Variants in EPB42 observed in about 807,000 individuals in gnomAD.
The protein encoded by EPB42 is protein 4.2.
Under a neutral mutation model 76.9 loss-of-function variants are expected in EPB42, and 49 were observed. That is an observed-to-expected ratio of 0.64 (90% CI 0.51 to 0.81). EPB42 has a LOEUF of 0.81. Ranked by LOEUF, EPB42 falls within the 30% of genes least tolerant of loss-of-function variation. The probability of loss-of-function intolerance (pLI) is 0.00; values close to 1 mark genes in which losing one functional copy is unlikely to be tolerated. For missense variants in EPB42, 731 were observed against 867.6 expected, an observed-to-expected ratio of 0.84 and a Z score of 1.98; for synonymous variants, 310 against 338.4, an observed-to-expected ratio of 0.92 and a Z score of 0.92.
intron 6 of EPB42, 91 bp from the exon 7 acceptor site, chr15:43,208,866 C>T: frequency 2.1e-6 from 3 of 1,455,280 alleles, no homozygotes; most frequent in East Asian, 2.4e-5. Context: ...CTCCTCTGGG[C>T]ACTGAAAACT....
chr15:43,219,737 G>T (rs2042430000), intron 1 of EPB42, among the ~76,000 whole-genome samples: 1 of 152,176 alleles, frequency 6.6e-6, no homozygotes, highest in African/African-American at 2.4e-5. Flanking sequence ...ACGAGGTCAA[G>T]AGATCGAGAC....
At chr15:43,201,697 C>T in intron 12 of EPB42, 147 bp downstream of exon 12, 1 of 1,243,966 alleles carries the variant, frequency 8.0e-7, no homozygotes, top group Admixed American at 1.7e-5. Context: ...ATGAGGGAAG[C>T]CACTTGGTAG....
chr15:43,224,224 T>C (rs2042488116), upstream of EPB42, among the ~76,000 whole-genome samples: 1 of 152,248 alleles, frequency 6.6e-6, no homozygotes, highest in African/African-American at 2.4e-5. Flanking sequence ...CTTTTCCTTT[T>C]CGTCTTCTTA....
At chr15:43,199,640 G>A (rs1018196338) in intron 12 of EPB42, among the ~76,000 whole-genome samples, 9 of 152,080 alleles carry the variant, frequency 5.9e-5, no homozygotes, top group African/African-American at 2.2e-4. Flanking sequence ...AGGCATGATT[G>A]GTTTTGAAAT....
At chr15:43,210,921 G>A (rs753096194) in intron 4 of EPB42, among the ~76,000 whole-genome samples, 2 of 152,186 alleles carry the variant, frequency 1.3e-5, no homozygotes, top group African/African-American at 4.8e-5. Flanking sequence ...TAGAGATGCC[G>A]GCACAGAGCA....
At chr15:43,215,040 A>G in intron 3 of EPB42, 55 bp downstream of exon 3, 1 of 1,495,034 alleles carries the variant, frequency 6.7e-7, no homozygotes, top group South Asian at 1.2e-5. Context: ...GCTGCACCCC[A>G]GCTCCAGTGT....
chr15:43,198,538 A>C (rs1162866898), intron 12 of EPB42, among the ~76,000 whole-genome samples: 1 of 152,244 alleles, frequency 6.6e-6, no homozygotes, highest in Non-Finnish European at 1.5e-5. Context: ...TGTCAAAGGC[A>C]TTCAGTTTTA....
At chr15:43,202,278 C>T (rs1214057827) in intron 11 of EPB42, among the ~76,000 whole-genome samples, 1 of 152,174 alleles carries the variant, frequency 6.6e-6, no homozygotes, top group Non-Finnish European at 1.5e-5. Flanking sequence ...TGTCCCCAAA[C>T]CCCCTCTCCC....
intron 11 of EPB42, 141 bp downstream of exon 11, chr15:43,202,974 C>T: frequency 1.9e-6 from 2 of 1,063,120 alleles, no homozygotes; most frequent in East Asian, 2.4e-5. Flanking sequence ...CTATGTCTTT[C>T]AAGGGAAGGA....
intron 7 of EPB42, 24 bp downstream of exon 7, chr15:43,208,613 C>T (rs1298899297): frequency 1.2e-6 from 2 of 1,613,966 alleles, no homozygotes; most frequent in Admixed American, 3.3e-5. Flanking sequence ...TGGACTGGAA[C>T]CTCATCTCCC....
upstream of EPB42, chr15:43,221,054 T>G: frequency 3.6e-6 from 2 of 554,694 alleles, no homozygotes; most frequent in Non-Finnish European, 3.3e-6. Context: ...GACCAGTTAC[T>G]GGGAGTAACC....
At chr15:43,208,512 C>G in intron 7 of EPB42, 125 bp downstream of exon 7, 1 of 1,523,156 alleles carries the variant, frequency 6.6e-7, no homozygotes, top group South Asian at 1.1e-5. Flanking sequence ...AGCGCCGCCT[C>G]TAAGGGTCTT....
chr15:43,216,509 C>A, intron 1 of EPB42, 56 bp from the exon 2 acceptor site: 2 of 1,581,164 alleles, frequency 1.3e-6, no homozygotes, highest in Non-Finnish European at 8.7e-7. Flanking sequence ...AATGTAAGTA[C>A]AAGCAGAGAT....
rs749955522 is a variant in EPB42 at position 43,207,155 on chromosome 15, C to T, written c.1318+44G>A. Reference sequence around the variant, plus strand: ...AGGCCCATCCCTTTCCCTCGCTTGCCGTTTCAGGTACCGAGAAGCCTGGGG... The same window carrying T: ...AGGCCCATCCCTTTCCCTCGCTTGCTGTTTCAGGTACCGAGAAGCCTGGGG... On this transcript the variant is annotated intron_variant, in intron 9 of 12. Coordinates refer to ENST00000441366, the MANE Select transcript of EPB42 (RefSeq NM_001114134.2). The T allele has an allele frequency of 4.7e-5, 76 of 1,612,602 alleles. No homozygotes were observed. In the Middle Eastern group the frequency reaches 7.1e-4, roughly 15 times the overall value.
At position 43,207,224 on chromosome 15, in the gene EPB42, G is replaced by T. The variant is rs1047017534; in HGVS notation, c.1293C>A (p.Ile431=). 1 of 1,613,956 alleles carries T rather than the reference G, an allele frequency of 6.2e-7. No individual in the cohort carries two copies. The highest frequency in any genetic ancestry group is 1.7e-5 in the Admixed American group (1 of 59,982). Residue 431 remains isoleucine, a synonymous_variant, in exon 9 of 13, where the codon ATC becomes ATA. Coordinates refer to ENST00000441366, the MANE Select transcript of EPB42 (RefSeq NM_001114134.2). ...KGVGSDRCED[I]TQNYKYPEGS... ...CTTCAGGATACTTGTAGTTCTGAGT[G>T]ATGTCCTCGCAGCGGTCACTGCCCA...
intron 4 of EPB42, among the ~76,000 whole-genome samples, chr15:43,210,705 C>T (rs1174532917): frequency 6.6e-6 from 1 of 152,124 alleles, no homozygotes; most frequent in African/African-American, 2.4e-5. Context: ...TGTGAGCTCT[C>T]GGGGACCCGT....
At position 43,212,239 on chromosome 15, in the gene EPB42, C is replaced by T. The variant is rs373698476; in HGVS notation, c.431-705G>A. ...AAAAAATTAGGTGGGTGTGGTGGCACGTGCTTGTAGTTCCAGCTACTTGGG... is the reference window on the plus strand; with the variant it reads ...AAAAAATTAGGTGGGTGTGGTGGCATGTGCTTGTAGTTCCAGCTACTTGGG... On this transcript the variant is annotated intron_variant, in intron 3 of 12. Coordinates refer to ENST00000441366, the MANE Select transcript of EPB42 (RefSeq NM_001114134.2). Among the ~76,000 whole-genome samples the T allele has an allele frequency of 1.1e-4, 16 of 151,950 alleles. No homozygotes were observed. The East Asian group carries it at 3.1e-3, about 29-fold the overall frequency.
intron 11 of EPB42, among the ~76,000 whole-genome samples, chr15:43,202,506 T>C (rs538486940): frequency 6.6e-6 from 1 of 152,256 alleles, no homozygotes. Flanking sequence ...ACCCACCAGC[T>C]GGAATTAATT....
chr15:43,197,982 C>A (rs550270623), intron 12 of EPB42, among the ~76,000 whole-genome samples: 2 of 152,292 alleles, frequency 1.3e-5, no homozygotes, highest in South Asian at 4.1e-4. Flanking sequence ...TTTCTCTTGC[C>A]ACCACCCTGT....
Sources: allele counts gnomAD v4.1 joint callset (sites outside exome capture counted in the v4.1 genomes callset), GRCh38; gene constraint gnomAD v4.1.1; transcripts MANE v1.5; gene names NCBI Gene and HGNC (gene_info 2026-07-23, HGNC 2026-07-21).